The following SRP68 variants were observed in gnomAD, a reference collection of about 807,000 sequenced individuals.
SRP68 encodes signal recognition particle subunit SRP68.
A neutral mutation model predicts 82.2 loss-of-function variants in SRP68; 15 were observed. That is an observed-to-expected ratio of 0.18 (90% confidence interval 0.12 to 0.28). The LOEUF (loss-of-function observed/expected upper bound fraction) is 0.28. Among genes scored for constraint, SRP68 ranks in the 10% least tolerant of loss-of-function variants. The pLI is 1.00. For synonymous variants in SRP68, 261 were observed against 292.6 expected, an observed-to-expected ratio of 0.89 and a Z score of 1.10; for missense variants, 595 against 780.5, an observed-to-expected ratio of 0.76 and a Z score of 2.83.
rs780885220 is a variant in SRP68, at chr17:76,039,252, G to A, written c.*454C>T. ...GGAATAAGGCTGACCGTAATTCTGG[G>A]GTGACGTTGCCAGTTTCATAGTCAT... On this transcript the variant is annotated 3_prime_UTR_variant, in exon 16 of 16. Coordinates refer to ENST00000307877, the MANE Select transcript of SRP68 (RefSeq NM_014230.4). 3.8e-5 allele frequency: 17 copies of A among 443,462 alleles called. No homozygotes were observed. The highest frequency in any genetic ancestry group is 6.0e-5 in the African/African-American group (3 of 49,818). 27.5% of individuals were successfully genotyped at this position (443,462 alleles called of 1,614,324 possible).
intron 8 of SRP68, among the ~76,000 whole-genome samples, chr17:76,051,265 T>C (rs1370951853): frequency 6.6e-6 from 1 of 152,192 alleles, no homozygotes; most frequent in African/African-American, 2.4e-5. Flanking sequence ...AGTGAGAAAG[T>C]GATTCACTAA....
At chr17:76,062,718 T>TACATTA (rs71161255) in intron 4 of SRP68, among the ~76,000 whole-genome samples, 2 of 45,302 alleles carry the variant, frequency 4.4e-5, no homozygotes, top group African/African-American at 2.0e-4. Flanking sequence ...ATACAATATA[T>TACATTA]TATATTTATT....
At chr17:76,040,031 G>A (rs12951303) in intron 15 of SRP68, 98 bp from the exon 16 acceptor site, 18,342 of 1,193,304 alleles carry the variant, frequency 0.015, 381 homozygotes, top group African/African-American at 0.074. Flanking sequence ...GCTTTACAGG[G>A]GCCATCTCAC....
intron 13 of SRP68, chr17:76,043,610 T>C (rs1210873211): frequency 3.1e-6 from 1 of 325,280 alleles, no homozygotes; most frequent in Non-Finnish European, 5.5e-6. Flanking sequence ...ATCAGAAAAA[T>C]GCCTTCCCTT....
At chr17:76,047,680 G>A (rs2066641478) in intron 10 of SRP68, among the ~76,000 whole-genome samples, 1 of 151,732 alleles carries the variant, frequency 6.6e-6, no homozygotes, top group South Asian at 2.1e-4. Flanking sequence ...CAGCTACTCA[G>A]TGGGAGGCTG....
intron 14 of SRP68, 40 bp from the exon 15 acceptor site, chr17:76,040,514 T>A (rs776993181): frequency 6.3e-7 from 1 of 1,595,534 alleles, no homozygotes; most frequent in South Asian, 1.1e-5. Flanking sequence ...CAAGGATTTA[T>A]AATAGCACAC....
Position 76,043,797 on chromosome 17 carries a change from G to C in SRP68, c.1524+32C>G, listed in dbSNP as rs374737584. ...CACAGCTGACTCCATAACCTGCCAG[G>C]GCTTGCAAACAAGGAGAGGCCAACC... is the stretch of plus-strand genomic sequence containing the variant. On this transcript the variant is annotated intron_variant, in intron 13 of 15. Transcript: ENST00000307877. The C allele has an allele frequency of 5.1e-6, 8 of 1,562,294 alleles. No individual in the cohort carries two copies. In the African/African-American group the frequency reaches 1.1e-4, roughly 22 times the overall value.
In SRP68 at chr17:76,071,225, G is replaced by A. The variant is rs1175276445; in HGVS notation, c.185-781C>T. On this transcript the variant is annotated intron_variant, in intron 1 of 15. Transcript: ENST00000307877. The surrounding 1 kb of genome is among the most constrained non-coding windows in gnomAD (Gnocchi z 4.7). ...TCTAACTTTCCTTAACAGCTGTGAT[G>A]CTTAGAGAGTCTATGATTAGCACAT... is the stretch of plus-strand genomic sequence containing the variant. Among the ~76,000 whole-genome samples, 13 of 152,188 alleles carry A rather than the reference G, an allele frequency of 8.5e-5. No homozygotes were observed. The highest frequency in any genetic ancestry group is 8.5e-4 in the Admixed American group (13 of 15,272).
chr17:76,044,231 G>A (rs2066613150), intron 12 of SRP68, among the ~76,000 whole-genome samples: 1 of 152,190 alleles, frequency 6.6e-6, no homozygotes, highest in Non-Finnish European at 1.5e-5. Context: ...GTTCCCAAAA[G>A]GAGCATGGTG....
intron 3 of SRP68, among the ~76,000 whole-genome samples, chr17:76,066,387 T>C (rs2066806473): frequency 6.6e-6 from 1 of 151,430 alleles, no homozygotes; most frequent in South Asian, 2.1e-4. Flanking sequence ...GAGGTGGAAG[T>C]TGCAGTGAGG....
chr17:76,050,304 A>C, intron 9 of SRP68, 124 bp downstream of exon 9: 2 of 672,792 alleles, frequency 3.0e-6, no homozygotes, highest in Non-Finnish European at 2.6e-6. Context: ...ACCTCAAAAA[A>C]ACAAAAACGA....
Position 76,046,137 on chromosome 17 carries a change from T to C in SRP68, c.1200A>G (p.Lys400=), listed in dbSNP as rs1424569565. The C allele has an allele frequency of 2.5e-6, 4 of 1,613,770 alleles. No homozygotes were observed. The highest frequency in any genetic ancestry group is 3.4e-6 in the Non-Finnish European group (4 of 1,179,858). The part of the protein sequence containing the change: ...TAIKRNENMA[K]GLQRALLQQQ... ...GCTGCAGCAGAGCCCTCTGCAGACC[T>C]TTGGCCATGTTCTCATTACGCTTGA... The change falls in exon 11 of 16, where the codon AAA becomes AAG. Residue 400 remains lysine, a synonymous_variant. Coordinates refer to ENST00000307877, the MANE Select transcript of SRP68 (RefSeq NM_014230.4).
intron 4 of SRP68, 117 bp from the exon 5 acceptor site, chr17:76,061,691 T>C (rs529106048): frequency 2.5e-6 from 2 of 788,472 alleles, no homozygotes; most frequent in South Asian, 3.2e-5. Context: ...CCAGGTGCAG[T>C]GGCTCACACC....
intron 11 of SRP68, 142 bp from the exon 12 acceptor site, chr17:76,045,528 T>C (rs928430197): frequency 2.1e-5 from 13 of 627,950 alleles, no homozygotes; most frequent in South Asian, 2.0e-5. Context: ...TGTGAAGAGA[T>C]TGGGCAGCAG....
Position 76,050,410 on chromosome 17 carries a change from C to G in SRP68, c.1077+18G>C. On this transcript the variant is annotated intron_variant, in intron 9 of 15. Transcript: ENST00000307877. ...GACCCGCCCAGAGCAAGAACCAGGG[C>G]TCGGCTGAGGGTCCTACCTGATCTG... 1 of 1,597,520 alleles carries G rather than the reference C, an allele frequency of 6.3e-7. No homozygotes were observed. The highest frequency in any genetic ancestry group is 1.1e-5 in the South Asian group (1 of 90,770).
chr17:76,045,954 C>T (rs145834052), intron 11 of SRP68, 84 bp downstream of exon 11: 8 of 1,551,976 alleles, frequency 5.2e-6, no homozygotes, highest in East Asian at 2.3e-5. Flanking sequence ...ACAGCCCTTC[C>T]GTGATACAAA....
chr17:76,049,263 A>C (rs1185939963), intron 9 of SRP68: 1 of 152,230 alleles, frequency 6.6e-6, no homozygotes, highest in Non-Finnish European at 1.5e-5. Context: ...TAACTATCAA[A>C]GCTTATAGCT....
At chr17:76,060,125 CAA>C (rs1168111688) in intron 7 of SRP68, among the ~76,000 whole-genome samples, 181 bp downstream of exon 7, 2 of 28,788 alleles carry the variant, frequency 6.9e-5, no homozygotes, top group African/African-American at 1.5e-4. Context: ...GACTCCATCT[CAA>C]AAAAAAAAAA....
At position 76,040,842 on chromosome 17, in the gene SRP68, C is replaced by CA. The variant is rs1345642150; in HGVS notation, c.1600+60dup. The CA allele has an allele frequency of 3.4e-6, 5 of 1,479,254 alleles. No homozygotes were observed. The Admixed American group carries it at 8.4e-5, about 25-fold the overall frequency. 91.6% of individuals were successfully genotyped at this position (1,479,254 alleles called of 1,614,324 possible). On this transcript the variant is annotated intron_variant, in intron 14 of 15. Coordinates refer to ENST00000307877, the MANE Select transcript of SRP68 (RefSeq NM_014230.4). Reference sequence around the variant, plus strand: ...CTTAAAACAGTAGTATGGGGTGTGACAGAGAAGGGGAGTGGCAGGAAGGGA... The same window carrying CA: ...CTTAAAACAGTAGTATGGGGTGTGACAAGAGAAGGGGAGTGGCAGGAAGGGA...
Sources: allele counts gnomAD v4.1 joint callset (sites outside exome capture counted in the v4.1 genomes callset), GRCh38; gene constraint gnomAD v4.1.1; non-coding constraint Gnocchi (gnomAD v3.1); transcripts MANE v1.5; gene names NCBI Gene and HGNC (gene_info 2026-07-23, HGNC 2026-07-21).